PTPRN2: variants seen among roughly 807,000 people sequenced by gnomAD.
PTPRN2 encodes the protein receptor-type tyrosine-protein phosphatase N2.
In PTPRN2, 74 loss-of-function variants were observed where a neutral mutation model predicts 118.8. The observed-to-expected ratio is 0.62, with a 90% CI of 0.52 to 0.76. The LOEUF is 0.76. Among genes scored for constraint, PTPRN2 ranks in the 30% least tolerant of loss-of-function variants. The probability of loss-of-function intolerance (pLI) is 0.00; values close to 1 mark genes in which losing one functional copy is unlikely to be tolerated. For missense variants in PTPRN2, 1,481 were observed against 1,394.4 expected (o/e 1.06, Z -0.99); for synonymous variants, 641 against 608.0 (o/e 1.05, Z -0.80).
intron 2 of PTPRN2, among the ~76,000 whole-genome samples, chr7:158,405,155 A>G (rs1248618125): frequency 6.6e-6 from 1 of 152,056 alleles, no homozygotes; most frequent in African/African-American, 2.4e-5. Context: ...ATCCACAAAG[A>G]CAGCATCACG....
chr7:157,954,154 C>CTG (rs1347043688), intron 11 of PTPRN2, among the ~76,000 whole-genome samples: 1 of 143,548 alleles, frequency 7.0e-6, no homozygotes, highest in Non-Finnish European at 1.5e-5. Flanking sequence ...TGGGTGGTGC[C>CTG]TGTGTACTGT....
intron 2 of PTPRN2, among the ~76,000 whole-genome samples, chr7:158,454,514 T>C (rs370846391): frequency 6.7e-6 from 1 of 149,108 alleles, no homozygotes; most frequent in East Asian, 2.0e-4. Flanking sequence ...ATGTGAGGAT[T>C]GGGGACAGTT....
At chr7:157,686,003 AGGGCGACCGCGCG>A (rs1797170437) in intron 12 of PTPRN2, among the ~76,000 whole-genome samples, 1 of 151,820 alleles carries the variant, frequency 6.6e-6, no homozygotes, top group East Asian at 2.0e-4. Flanking sequence ...GGAGGCCCGG[AGGGCGACCGCGCG>A]GGGCCGCGGG....
At position 157,763,183 on chromosome 7, in the gene PTPRN2, G is replaced by A. The variant is rs1417729784; in HGVS notation, c.1789-80246C>T. Reference sequence around the variant, plus strand: ...ATGGCTGCCCACTCACAGGCACAGAGTCCATCCCAGGCCACAGTGGGAAGG... The same window carrying A: ...ATGGCTGCCCACTCACAGGCACAGAATCCATCCCAGGCCACAGTGGGAAGG... On this transcript the variant is annotated intron_variant, in intron 12 of 22. Coordinates refer to ENST00000389418, the MANE Select transcript of PTPRN2 (RefSeq NM_002847.5). The surrounding 1 kb of genome is among the most constrained non-coding windows in gnomAD (Gnocchi z 4.9). Among the ~76,000 whole-genome samples, 1 of 152,254 alleles carries A rather than the reference G, an allele frequency of 6.6e-6. No homozygotes were observed. The highest frequency in any genetic ancestry group is 1.5e-5 in the Non-Finnish European group (1 of 68,042).
At chr7:158,257,464 C>G (rs1281122924) in intron 3 of PTPRN2, among the ~76,000 whole-genome samples, 1 of 152,182 alleles carries the variant, frequency 6.6e-6, no homozygotes, top group Non-Finnish European at 1.5e-5. Context: ...CTCTGACATT[C>G]GAATCCAGTC....
intron 12 of PTPRN2, among the ~76,000 whole-genome samples, chr7:157,878,243 G>A (rs1288822756): frequency 2.6e-5 from 4 of 152,272 alleles, no homozygotes; most frequent in South Asian, 4.1e-4. Context: ...TCAAGAGCAC[G>A]GACCCTGAGG....
chr7:157,951,431 T>C (rs1344999453), intron 11 of PTPRN2, among the ~76,000 whole-genome samples: 2 of 152,160 alleles, frequency 1.3e-5, no homozygotes, highest in Admixed American at 6.5e-5. Flanking sequence ...CCATCTTCCC[T>C]ATTGGCACCT....
chr7:158,006,566 A>G (rs192197896), intron 11 of PTPRN2, among the ~76,000 whole-genome samples: 21 of 152,100 alleles, frequency 1.4e-4, no homozygotes, highest in African/African-American at 5.1e-4. Flanking sequence ...CACACTTATC[A>G]CTCACTTGCC....
At chr7:158,313,993 G>T (rs1202755536) in intron 3 of PTPRN2, among the ~76,000 whole-genome samples, 1 of 151,888 alleles carries the variant, frequency 6.6e-6, no homozygotes, top group Non-Finnish European at 1.5e-5. Context: ...TTTCATCCCA[G>T]GACGCCCACC....
At position 157,741,871 on chromosome 7, in the gene PTPRN2, G is replaced by C. The variant is rs573064456; in HGVS notation, c.1789-58934C>G. Among the ~76,000 whole-genome samples the C allele has an allele frequency of 4.6e-5, 7 of 152,264 alleles. No individual in the cohort carries two copies. The South Asian group carries it at 1.5e-3, about 32-fold the overall frequency. On this transcript the variant is annotated intron_variant, in intron 12 of 22. Coordinates refer to ENST00000389418, the MANE Select transcript of PTPRN2 (RefSeq NM_002847.5). ...ACTTCTCTGCTCATCTTTCCTCTTA[G>C]ACTTGGGGTCCTTGAGGGCCAGCTC...
intron 2 of PTPRN2, among the ~76,000 whole-genome samples, chr7:158,359,567 G>A (rs542555533): frequency 2.0e-5 from 3 of 152,174 alleles, no homozygotes; most frequent in East Asian, 1.9e-4. Context: ...GCAACACCGC[G>A]ACACTCTAGG....
rs914561011 is a variant in PTPRN2 at position 157,779,181 on chromosome 7, G to C, written c.1789-96244C>G. On this transcript the variant is annotated intron_variant, in intron 12 of 22. Transcript: ENST00000389418. The surrounding 1 kb of genome is among the most constrained non-coding windows in gnomAD (Gnocchi z 4.7). ...TATAGAGGTAGTAGCGCTACATTGA[G>C]GATGCTGGACACGGCTTATCTCCTG... Among the ~76,000 whole-genome samples the C allele has an allele frequency of 3.3e-5, 5 of 152,194 alleles. No individual in the cohort carries two copies. Among genetic ancestry groups the C allele is most frequent in the African/African-American group, 1.2e-4 (5 of 41,446 alleles).
At chr7:158,514,156 G>A (rs551846657) in intron 1 of PTPRN2, among the ~76,000 whole-genome samples, 1 of 152,078 alleles carries the variant, frequency 6.6e-6, no homozygotes, top group Non-Finnish European at 1.5e-5. Flanking sequence ...GGATTATTCA[G>A]GGGGCCCTAA....
rs1309523954 is a variant in PTPRN2 at position 158,565,627 on chromosome 7, A to G, written c.112+21931T>C. ...CGGGAAAATCCCCAGGAAGAAAGTA[A>G]GCAAAGGCACGGTAGACGCCAAGGG... is the stretch of plus-strand genomic sequence containing the variant. On this transcript the variant is annotated intron_variant, in intron 1 of 22. Coordinates refer to ENST00000389418, the MANE Select transcript of PTPRN2 (RefSeq NM_002847.5). The surrounding 1 kb of genome is among the most constrained non-coding windows in gnomAD (Gnocchi z 4.6). 1.3e-5 allele frequency among the ~76,000 whole-genome samples: 2 copies of G among 152,236 alleles called. No homozygotes were observed. Among genetic ancestry groups the G allele is most frequent in the Non-Finnish European group, 2.9e-5 (2 of 68,054 alleles).
chr7:158,157,213 G>A (rs1251259290), intron 6 of PTPRN2, among the ~76,000 whole-genome samples: 1 of 152,246 alleles, frequency 6.6e-6, no homozygotes, highest in Non-Finnish European at 1.5e-5. Flanking sequence ...CTCCCCCTTG[G>A]AGCCATGGCA....
At chr7:158,157,757 C>A (rs1821965691) in intron 6 of PTPRN2, among the ~76,000 whole-genome samples, 1 of 152,174 alleles carries the variant, frequency 6.6e-6, no homozygotes, top group Non-Finnish European at 1.5e-5. Context: ...ACCCCCCCAG[C>A]ACCCCGGGTG....
At chr7:158,186,994 G>A (rs1281800563) in intron 5 of PTPRN2, among the ~76,000 whole-genome samples, 23 of 152,198 alleles carry the variant, frequency 1.5e-4, no homozygotes, top group Non-Finnish European at 2.9e-5. Context: ...GTAACAGAGT[G>A]GACAGGGAAT....
At chr7:158,293,727 CT>C (rs1800269894) in intron 3 of PTPRN2, among the ~76,000 whole-genome samples, 1 of 147,430 alleles carries the variant, frequency 6.8e-6, no homozygotes, top group African/African-American at 2.5e-5. Flanking sequence ...CCTATTTACA[CT>C]TTTCTTCCAC....
At chr7:157,790,157 A>ATGTGGTGTG (rs1252005537) in intron 12 of PTPRN2, among the ~76,000 whole-genome samples, 1 of 59,008 alleles carries the variant, frequency 1.7e-5, no homozygotes, top group African/African-American at 6.8e-5. Context: ...TGTGGTGTGA[A>ATGTGGTGTG]TGTGGTGTGT....
Sources: gnomAD v4.1 joint callset for allele counts (sites outside exome capture counted in the v4.1 genomes callset) on GRCh38, gnomAD v4.1.1 for gene constraint, Gnocchi (gnomAD v3.1) non-coding constraint, MANE v1.5 for transcripts, NCBI Gene and HGNC (gene_info 2026-07-23, HGNC 2026-07-21) for gene names.